The following QKI variants were observed in gnomAD, a reference collection of about 807,000 sequenced individuals.
QKI encodes the protein QKI, KH domain containing RNA binding.
QKI carries 10 observed loss-of-function variants against 39.0 expected under a neutral mutation model. That is an observed-to-expected ratio of 0.26 (90% CI 0.16 to 0.43). The LOEUF (loss-of-function observed/expected upper bound fraction) is 0.43. Ranked by LOEUF, QKI falls within the 20% of genes least tolerant of loss-of-function variation. The probability of loss-of-function intolerance (pLI) is 1.00; values close to 1 mark genes in which losing one functional copy is unlikely to be tolerated. For missense variants in QKI, 218 were observed against 428.0 expected (o/e 0.51, Z 4.33); for synonymous variants, 204 against 155.4 (o/e 1.31, Z -2.33).
At chr6:163,431,657 T>A (rs1053361019) in intron 1 of QKI, among the ~76,000 whole-genome samples, 2 of 152,142 alleles carry the variant, frequency 1.3e-5, no homozygotes, top group Admixed American at 6.5e-5. Context: ...TGAACTTAGA[T>A]TTTAATCTAT....
At chr6:163,535,784 A>T (rs1428244887) in intron 4 of QKI, among the ~76,000 whole-genome samples, 1 of 151,870 alleles carries the variant, frequency 6.6e-6, no homozygotes, top group African/African-American at 2.4e-5. Flanking sequence ...TACAAAAAAT[A>T]AGTCGGGCGT....
At chr6:163,465,141 C>T (rs934276145) in intron 2 of QKI, among the ~76,000 whole-genome samples, 28 of 152,108 alleles carry the variant, frequency 1.8e-4, no homozygotes, top group African/African-American at 6.5e-4. Flanking sequence ...CATCCTTTCA[C>T]AATGAAAATT....
chr6:163,562,172 A>C, intron 5 of QKI, 103 bp downstream of exon 5: 1 of 682,094 alleles, frequency 1.5e-6, no homozygotes, highest in Non-Finnish European at 2.3e-6. Context: ...CAAAGTGAAC[A>C]GTTGAAATAA....
intron 1 of QKI, among the ~76,000 whole-genome samples, chr6:163,426,100 A>G (rs1033137456): frequency 6.6e-6 from 1 of 152,232 alleles, no homozygotes; most frequent in Non-Finnish European, 1.5e-5. Context: ...TTAATCCTAC[A>G]GATAACGTAA....
At chr6:163,528,514 T>C (rs1470428523) in intron 3 of QKI, among the ~76,000 whole-genome samples, 2 of 152,210 alleles carry the variant, frequency 1.3e-5, no homozygotes, top group Non-Finnish European at 2.9e-5. Context: ...GTAAGACTGA[T>C]AGTCCCAGGT....
chr6:163,517,330 T>A (rs1036329121), intron 3 of QKI, among the ~76,000 whole-genome samples: 9 of 152,220 alleles, frequency 5.9e-5, no homozygotes, highest in Non-Finnish European at 1.2e-4. Flanking sequence ...ATCTCCCTGT[T>A]GATTAACTTA....
At chr6:163,542,398 G>T (rs1366970869) in intron 4 of QKI, among the ~76,000 whole-genome samples, 1 of 151,988 alleles carries the variant, frequency 6.6e-6, no homozygotes, top group African/African-American at 2.4e-5. Flanking sequence ...GGAATATTAT[G>T]CTGGATTATG....
intron 3 of QKI, among the ~76,000 whole-genome samples, chr6:163,502,154 C>A (rs537070371): frequency 4.7e-4 from 72 of 152,070 alleles, no homozygotes; most frequent in Admixed American, 8.5e-4. Context: ...GAAACCCCAT[C>A]TCTACAAAAA....
intron 3 of QKI, among the ~76,000 whole-genome samples, chr6:163,513,373 A>G (rs998212475): frequency 4.6e-5 from 7 of 152,234 alleles, no homozygotes; most frequent in Non-Finnish European, 5.9e-5. Flanking sequence ...ACTTGGTGAT[A>G]CATAAAATAC....
intron 3 of QKI, among the ~76,000 whole-genome samples, chr6:163,516,171 G>T (rs2128236296): frequency 6.6e-6 from 1 of 152,264 alleles, no homozygotes; most frequent in Middle Eastern, 3.4e-3. Flanking sequence ...AAAATCTAAA[G>T]TACATATATG....
Position 163,419,515 on chromosome 6 carries a change from T to C in QKI, c.142+4180T>C, listed in dbSNP as rs939402240. Among the ~76,000 whole-genome samples the C allele has an allele frequency of 2.0e-5, 3 of 152,322 alleles. No homozygotes were observed. In the East Asian group the frequency reaches 5.8e-4, roughly 29 times the overall value. On this transcript the variant is annotated intron_variant, in intron 1 of 7. Coordinates refer to ENST00000361752, the MANE Select transcript of QKI (RefSeq NM_006775.3). ...TCTTTAGAAACTAAGATATTGCTTT[T>C]GTACACAGTCCTTGAATTAGTTGTA...
At chr6:163,537,587 A>T (rs1448027911) in intron 4 of QKI, among the ~76,000 whole-genome samples, 1 of 152,244 alleles carries the variant, frequency 6.6e-6, no homozygotes, top group Admixed American at 6.5e-5. Flanking sequence ...GTTACCCTGT[A>T]GATTAACAGA....
intron 3 of QKI, among the ~76,000 whole-genome samples, chr6:163,502,333 A>AAAAC (rs542259826): frequency 2.0e-5 from 3 of 152,088 alleles, no homozygotes; most frequent in East Asian, 3.9e-4. Flanking sequence ...AAAACAAAAC[A>AAAAC]AAACAAACAA....
At chr6:163,556,488 A>G (rs1782621477) in intron 4 of QKI, among the ~76,000 whole-genome samples, 1 of 147,136 alleles carries the variant, frequency 6.8e-6, no homozygotes, top group African/African-American at 2.5e-5. Flanking sequence ...GGGCAACAAA[A>G]GCAAAATTCC....
chr6:163,531,489 C>T (rs1271305799), intron 3 of QKI, among the ~76,000 whole-genome samples: 1 of 152,150 alleles, frequency 6.6e-6, no homozygotes, highest in African/African-American at 2.4e-5. Context: ...ATCTCAGCCC[C>T]ACCCTCACCC....
intron 1 of QKI, 79 bp downstream of exon 1, chr6:163,415,414 G>A: frequency 6.9e-7 from 1 of 1,455,534 alleles, no homozygotes; most frequent in Non-Finnish European, 9.3e-7. Context: ...GGTGGGGAGG[G>A]CGGGAAGGTC....
intron 3 of QKI, among the ~76,000 whole-genome samples, chr6:163,502,412 T>C (rs553931211): frequency 1.3e-5 from 2 of 152,318 alleles, no homozygotes; most frequent in Non-Finnish European, 2.9e-5. Flanking sequence ...CCTTGTAGAC[T>C]AGTTAAAGCT....
chr6:163,465,975 A>C (rs558406324), intron 2 of QKI, among the ~76,000 whole-genome samples: 54 of 151,988 alleles, frequency 3.6e-4, no homozygotes, highest in Admixed American at 3.0e-3. Context: ...AATACAAAAA[A>C]AACAACTGGG....
chr6:163,494,960 G>GTGGC (rs564050521), intron 3 of QKI, among the ~76,000 whole-genome samples: 583 of 151,726 alleles, frequency 3.8e-3, no homozygotes, highest in Non-Finnish European at 6.8e-3. Flanking sequence ...CTGTCGTCCA[G>GTGGC]GCTGGAGTGC....
Sources: gnomAD v4.1 joint callset for allele counts (sites outside exome capture counted in the v4.1 genomes callset) on GRCh38, gnomAD v4.1.1 for gene constraint, MANE v1.5 for transcripts, NCBI Gene and HGNC (gene_info 2026-07-23, HGNC 2026-07-21) for gene names.